The following MED15 variants were observed in gnomAD, a reference collection of about 807,000 sequenced individuals.
MED15 encodes mediator complex subunit 15.
MED15 carries 41 observed loss-of-function variants against 118.7 expected under a neutral mutation model. That is an observed-to-expected ratio of 0.35 (90% CI 0.27 to 0.45). The LOEUF (loss-of-function observed/expected upper bound fraction) is 0.45. Among genes scored for constraint, MED15 ranks in the 20% least tolerant of loss-of-function variants. The pLI, the probability that MED15 is intolerant of heterozygous loss-of-function variation, is 1.00. For synonymous variants in MED15, 436 were observed against 413.9 expected, an observed-to-expected ratio of 1.05 and a Z score of -0.65; for missense variants, 740 against 1,025.5, an observed-to-expected ratio of 0.72 and a Z score of 3.80.
chr22:20,517,926 G>A (rs558255506), intron 1 of MED15, among the ~76,000 whole-genome samples: 16 of 152,238 alleles, frequency 1.1e-4, no homozygotes, highest in African/African-American at 3.4e-4. Context: ...CTCCAAGGGC[G>A]CAATCAGGAA....
At chr22:20,563,035 CAAAAA>C (rs201833043) in intron 5 of MED15, among the ~76,000 whole-genome samples, 1 of 141,622 alleles carries the variant, frequency 7.1e-6, no homozygotes, top group Non-Finnish European at 1.5e-5. Flanking sequence ...GACCCCACCT[CAAAAA>C]AAAAAAATCT....
chr22:20,520,901 T>C (rs1333323007), intron 1 of MED15, among the ~76,000 whole-genome samples: 1 of 151,206 alleles, frequency 6.6e-6, no homozygotes, highest in Non-Finnish European at 1.5e-5. Context: ...CACCATGCCC[T>C]GCTAATTTTT....
rs1482238707 is a variant in MED15, at chr22:20,586,904, G to C, written c.*200G>C. 4 of 821,744 alleles carry C rather than the reference G, an allele frequency of 4.9e-6. No individual in the cohort carries two copies. The highest frequency in any genetic ancestry group is 3.0e-5 in the Admixed American group (1 of 33,776). 50.9% of individuals were successfully genotyped at this position (821,744 alleles called of 1,614,324 possible). A position where few individuals can be genotyped will look rare whatever the true frequency, so the allele number is the denominator to read the frequency against. On this transcript the variant is annotated 3_prime_UTR_variant, in exon 18 of 18. Transcript: ENST00000263205. ...TAGGCGCAGTGGAGCGGGTTGCTTG[G>C]GGGGCGTTGGCCGACTTCTTAGAGA...
At chr22:20,554,887 C>T (rs758436992) in intron 4 of MED15, 49 bp from the exon 5 acceptor site, 12 of 1,526,336 alleles carry the variant, frequency 7.9e-6, no homozygotes, top group Non-Finnish European at 8.8e-6. Context: ...GAGCCATGGT[C>T]AGTCTGGTAG....
In MED15 at chr22:20,543,363, C is replaced by T. The variant is rs1174373305; in HGVS notation, c.156+6159C>T. ...AGTGGCTGGGATTATAGGTGCCCACCACCACACCCAGCTAATTTTTGTATT... is the reference window on the plus strand; with the variant it reads ...AGTGGCTGGGATTATAGGTGCCCACTACCACACCCAGCTAATTTTTGTATT... On this transcript the variant is annotated intron_variant, in intron 2 of 17. Transcript: ENST00000263205. Among the ~76,000 whole-genome samples the T allele has an allele frequency of 2.0e-5, 3 of 150,662 alleles. No homozygotes were observed. In the Admixed American group the frequency reaches 2.0e-4, roughly 10 times the overall value.
intron 1 of MED15, among the ~76,000 whole-genome samples, chr22:20,520,267 C>G (rs1203583162): frequency 6.6e-6 from 1 of 152,218 alleles, no homozygotes; most frequent in Non-Finnish European, 1.5e-5. Context: ...CCCTTCTCTT[C>G]TGTTCTTTGC....
Position 20,549,104 on chromosome 22 carries a change from A to G in MED15, c.157-2332A>G, listed in dbSNP as rs191615567. On this transcript the variant is annotated intron_variant, in intron 2 of 17. Coordinates refer to ENST00000263205, the MANE Select transcript of MED15 (RefSeq NM_001003891.3). ...ATGTGAGCCTCCACGATTGGCCTCTATGGAGTTTTTTAAGGTTTCTGTTTT... is the reference window on the plus strand; with the variant it reads ...ATGTGAGCCTCCACGATTGGCCTCTGTGGAGTTTTTTAAGGTTTCTGTTTT... 7.7e-4 allele frequency among the ~76,000 whole-genome samples: 118 copies of G among 152,294 alleles called. 4 individuals are homozygous for G. Among genetic ancestry groups the G allele is most frequent in the African/African-American group, 2.8e-3 (117 of 41,570 alleles).
rs663683 is a variant in MED15 at position 20,561,944 on chromosome 22, T to C, written c.452-2506T>C. Among the ~76,000 whole-genome samples the C allele has an allele frequency of 6.2e-3, 937 of 152,298 alleles. 10 individuals carry two copies. The highest frequency in any genetic ancestry group is 0.021 in the African/African-American group (891 of 41,568). On this transcript the variant is annotated intron_variant, in intron 5 of 17. Transcript: ENST00000263205. ...AGGTCAAGGCTGCAGTGAGCCATGA[T>C]TGCACTATTGCATTCCAGCCTGGGC...
At chr22:20,522,384 C>G (rs1451759556) in intron 1 of MED15, among the ~76,000 whole-genome samples, 2 of 152,036 alleles carry the variant, frequency 1.3e-5, no homozygotes, top group Admixed American at 6.6e-5. Flanking sequence ...AACAGGCACT[C>G]TCGTTGATTT....
intron 2 of MED15, 64 bp downstream of exon 2, chr22:20,537,268 C>T: frequency 2.1e-6 from 3 of 1,429,336 alleles, no homozygotes; most frequent in East Asian, 2.3e-5. Flanking sequence ...ATCACAGACT[C>T]TGGAACCCCT....
intron 9 of MED15, among the ~76,000 whole-genome samples, chr22:20,578,818 A>T (rs527624987): frequency 6.6e-6 from 1 of 152,236 alleles, no homozygotes; most frequent in Non-Finnish European, 1.5e-5. Flanking sequence ...CCTTGTGGCA[A>T]CAAATTAGGT....
intron 1 of MED15, among the ~76,000 whole-genome samples, chr22:20,526,543 T>G (rs2054652520): frequency 6.6e-6 from 1 of 152,248 alleles, no homozygotes; most frequent in Non-Finnish European, 1.5e-5. Context: ...AGTGGTGTAC[T>G]GCAATTGCTT....
In MED15 at chr22:20,587,498, GCCTC is replaced by G. The variant is rs879474188; in HGVS notation, c.*798_*801del. The G allele has an allele frequency of 2.4e-5, 6 of 248,590 alleles. No individual in the cohort carries two copies. Among genetic ancestry groups the G allele is most frequent in the Non-Finnish European group, 4.7e-5 (6 of 127,910 alleles). 15.4% of individuals were successfully genotyped at this position (248,590 alleles called of 1,614,324 possible). A position where few individuals can be genotyped will look rare whatever the true frequency, so the allele number is the denominator to read the frequency against. On this transcript the variant is annotated 3_prime_UTR_variant, in exon 18 of 18. Coordinates refer to ENST00000263205, the MANE Select transcript of MED15 (RefSeq NM_001003891.3). ...CAGCGGGCCGGGCCATGCAGGGAGC[GCCTC>G]CCTATGTTGCCTGCCACTCTGGGCA...
intron 11 of MED15, 69 bp downstream of exon 11, chr22:20,583,036 G>T: frequency 1.3e-6 from 2 of 1,570,006 alleles, no homozygotes; most frequent in Non-Finnish European, 8.7e-7. Flanking sequence ...CTGGGTGTGC[G>T]AGCTCTGGGG....
chr22:20,581,242 G>A (rs1033291611), intron 9 of MED15, among the ~76,000 whole-genome samples: 1 of 152,230 alleles, frequency 6.6e-6, no homozygotes, highest in African/African-American at 2.4e-5. Context: ...CGCTCCAGGA[G>A]CTTGGTCCAC....
chr22:20,523,016 A>T (rs191514128), intron 1 of MED15: 1 of 152,322 alleles, frequency 6.6e-6, no homozygotes, highest in Non-Finnish European at 1.5e-5. Context: ...TCCGGATAAC[A>T]TTGTAGAAGA....
chr22:20,549,114 T>C (rs1201124599), intron 2 of MED15, among the ~76,000 whole-genome samples: 1 of 152,198 alleles, frequency 6.6e-6, no homozygotes, highest in Non-Finnish European at 1.5e-5. Flanking sequence ...ATGGAGTTTT[T>C]TAAGGTTTCT....
At position 20,583,135 on chromosome 22, in the gene MED15, C is replaced by T; in HGVS notation, c.1560C>T (p.Ser520=). ...CAGTGAACCCCAGCTCTGTCATGAG[C>T]CCAGCTGGCTCCAGCCAGGCTGAGG... ...NTPVNPSSVM[S]PAGSSQAEEQ... The change falls in exon 12 of 18, where the codon AGC becomes AGT. Residue 520 remains serine (S), a synonymous_variant. Coordinates refer to ENST00000263205, the MANE Select transcript of MED15 (RefSeq NM_001003891.3). 6.2e-7 allele frequency: 1 copy of T among 1,603,644 alleles called. No individual in the cohort carries two copies. Among genetic ancestry groups the T allele is most frequent in the Non-Finnish European group, 8.5e-7 (1 of 1,175,242 alleles).
At chr22:20,525,530 CTT>C (rs753248152) in intron 1 of MED15, among the ~76,000 whole-genome samples, 13,548 of 112,512 alleles carry the variant, frequency 0.12, 566 homozygotes, top group East Asian at 0.31. Flanking sequence ...TGACCTTTCT[CTT>C]TTTTTTTTTT....
Sources: gnomAD v4.1 joint callset for allele counts (sites outside exome capture counted in the v4.1 genomes callset) on GRCh38, gnomAD v4.1.1 for gene constraint, MANE v1.5 for transcripts, NCBI Gene and HGNC (gene_info 2026-07-23, HGNC 2026-07-21) for gene names.